Variants in FAM187A observed in about 807,000 individuals in gnomAD.
FAM187A encodes the protein Ig-like V-type domain-containing protein FAM187A.
A neutral mutation model predicts 6.4 loss-of-function variants in FAM187A; 4 were observed. The ratio of observed to expected loss-of-function variants is 0.63; its 90% CI spans 0.31 to 1.44. The LOEUF is 1.44. Ranked by LOEUF, FAM187A falls within the 40% of genes most tolerant of loss-of-function variation. The probability of loss-of-function intolerance (pLI) is 0.07; values close to 1 mark genes in which losing one functional copy is unlikely to be tolerated. For synonymous variants in FAM187A, 221 were observed against 213.4 expected, an observed-to-expected ratio of 1.04 and a Z score of -0.31; for missense variants, 463 against 542.2, an observed-to-expected ratio of 0.85 and a Z score of 1.45.
chr17:44,904,007 G>T (rs765331988), exon 4 of FAM187A: 7 of 1,550,638 alleles, frequency 4.5e-6, no homozygotes, highest in Non-Finnish European at 5.2e-6. Flanking sequence ...ACCCGAAGAG[G>T]TGCCAGCTGT....
Position 44,904,599 on chromosome 17 carries a change from TTAAC to T in FAM187A, c.773_776del (p.Asn258MetfsTer55), listed in dbSNP as rs2051622095. On this transcript the variant is annotated frameshift_variant, in exon 4 of 4. Transcript: ENST00000331733. LOFTEE classifies it high-confidence loss of function. ...ATCCGGGAGGGCGTGCTGGCCATCA[TTAAC>T]TATGTGTCCAAAGTGGGCAGCCGGC... 6.4e-7 allele frequency: 1 copy of T among 1,550,548 alleles called. No homozygotes were observed. Among genetic ancestry groups the T allele is most frequent in the Non-Finnish European group, 8.7e-7 (1 of 1,146,998 alleles).
exon 4 of FAM187A, chr17:44,903,658 G>T: frequency 7.0e-7 from 1 of 1,433,706 alleles, no homozygotes; most frequent in African/African-American, 1.4e-5. Context: ...CATCCACTGG[G>T]AATAAATTGC....
At chr17:44,903,492 C>T (rs965451591) in exon 4 of FAM187A, 9 of 1,274,602 alleles carry the variant, frequency 7.1e-6, no homozygotes, top group South Asian at 3.2e-5. Flanking sequence ...ATCTCCCTGC[C>T]CGAGCACCTC....
chr17:44,904,019 G>T (rs915413210), exon 4 of FAM187A: 3 of 1,550,644 alleles, frequency 1.9e-6, no homozygotes, highest in Non-Finnish European at 1.7e-6. Flanking sequence ...GCCAGCTGTA[G>T]TCTGGTTCTA....
At chr17:44,904,896 G>T (rs770650702) in exon 4 of FAM187A, 6 of 1,550,522 alleles carry the variant, frequency 3.9e-6, no homozygotes, top group Non-Finnish European at 5.2e-6. Context: ...GCTGGCTTCC[G>T]GCTGGGTGTG....
At chr17:44,903,582 G>C in exon 4 of FAM187A, 1 of 1,396,808 alleles carries the variant, frequency 7.2e-7, no homozygotes, top group Non-Finnish European at 9.2e-7. Context: ...GTAAAGGCCA[G>C]GTTCTAGAAT....
exon 4 of FAM187A, chr17:44,903,679 G>A (rs2051601188): frequency 7.0e-7 from 1 of 1,435,774 alleles, no homozygotes; most frequent in Admixed American, 2.9e-5. Flanking sequence ...CTTGCACTTG[G>A]CGGCTTCCTC....
At chr17:44,904,171 G>C in exon 4 of FAM187A, 1 of 1,550,420 alleles carries the variant, frequency 6.4e-7, no homozygotes, top group South Asian at 1.2e-5. Flanking sequence ...TGGTTTTCAG[G>C]GCTCAGTCTG....
chr17:44,904,978 A>C (rs2051631976), exon 4 of FAM187A: 1 of 1,550,764 alleles, frequency 6.4e-7, no homozygotes, highest in Non-Finnish European at 8.7e-7. Context: ...TCACCCTGAT[A>C]GGCTACCTGC....
At chr17:44,904,308 A>T in exon 4 of FAM187A, 1 of 1,546,792 alleles carries the variant, frequency 6.5e-7, no homozygotes, top group Non-Finnish European at 8.7e-7. Context: ...CCCTTTGCAG[A>T]TGAATACTAT....
Position 44,904,640 on chromosome 17 carries a change from C to T in FAM187A, c.811C>T (p.Gln271Ter). Reference sequence around the variant, plus strand: ...AGTGGGCAGCCGGCCCTGGGTGCCCCAGGTGCCCATTCAGTTCCACCAGCA... The same window carrying T: ...AGTGGGCAGCCGGCCCTGGGTGCCCTAGGTGCCCATTCAGTTCCACCAGCA... The change falls in exon 4 of 4, where the codon CAG (glutamine) becomes TAG (stop). Residue 271 changes from glutamine (Q) to a stop codon, truncating the protein, a stop_gained. Transcript: ENST00000331733. LOFTEE classifies it low-confidence loss of function (END_TRUNC). The T allele has an allele frequency of 1.3e-6, 2 of 1,550,564 alleles. No homozygotes were observed. The highest frequency in any genetic ancestry group is 1.7e-6 in the Non-Finnish European group (2 of 1,146,994).
chr17:44,903,552 C>T, exon 4 of FAM187A: 1 of 1,361,326 alleles, frequency 7.3e-7, no homozygotes, highest in South Asian at 2.0e-5. Flanking sequence ...TGGGTGAGCG[C>T]CAGTGTTCTA....
At chr17:44,904,938 C>T (rs1486830603) in exon 4 of FAM187A, 1 of 1,550,688 alleles carries the variant, frequency 6.4e-7, no homozygotes, top group Admixed American at 2.0e-5. Flanking sequence ...GCCTCGTTCT[C>T]AGATCCTGAG....
At chr17:44,903,733 A>C in exon 4 of FAM187A, 1 of 1,452,542 alleles carries the variant, frequency 6.9e-7, no homozygotes, top group Non-Finnish European at 9.0e-7. Flanking sequence ...TCCTTTCCTC[A>C]TCTAGAGGCT....
At position 44,904,192 on chromosome 17, in the gene FAM187A, C is replaced by T. The variant is rs957135444; in HGVS notation, c.363C>T (p.Gly121=). Residue 121 remains glycine (G), a synonymous_variant, in exon 4 of 4, where the codon GGC becomes GGT. Transcript: ENST00000331733. ...TCAGGGCTCAGTCTGAGGACTCAGG[C>T]CTGTACTTCTGCGGCACCCGCAAGG... is the stretch of plus-strand genomic sequence containing the variant. The T allele has an allele frequency of 5.2e-6, 8 of 1,550,436 alleles. No homozygotes were observed. In the African/African-American group the frequency reaches 9.6e-5, roughly 19 times the overall value.
At position 44,903,550 on chromosome 17, in the gene FAM187A, C is replaced by T. The variant is rs542384155; in HGVS notation, c.-280C>T. ...TTCCTTTGACCCATTCTTGGGTGAG[C>T]GCCAGTGTTCTAGAAAGGGGAGTAA... On this transcript the variant is annotated 5_prime_UTR_variant, in exon 4 of 4. Coordinates refer to ENST00000331733, the Ensembl canonical transcript of FAM187A. The T allele has an allele frequency of 2.4e-4, 332 of 1,359,636 alleles. 4 individuals are homozygous for T. In the South Asian group the frequency reaches 5.6e-3, roughly 23 times the overall value. The allele number at this position is 1,359,636 out of a possible 1,614,324, so 84.2% of individuals were successfully genotyped here. A position where few individuals can be genotyped will look rare whatever the true frequency, so the allele number is the denominator to read the frequency against.
At chr17:44,904,627 G>T in exon 4 of FAM187A, 1 of 1,550,540 alleles carries the variant, frequency 6.4e-7, no homozygotes, top group Non-Finnish European at 8.7e-7. Flanking sequence ...TGGGCAGCCG[G>T]CCCTGGGTGC....
At chr17:44,904,116 G>A in exon 4 of FAM187A, 1 of 1,550,594 alleles carries the variant, frequency 6.4e-7, no homozygotes, top group Middle Eastern at 1.7e-4. Flanking sequence ...GTACGTGTGG[G>A]CAGCGACATG....
exon 4 of FAM187A, chr17:44,905,346 A>C: frequency 2.2e-6 from 1 of 458,570 alleles, no homozygotes; most frequent in Non-Finnish European, 4.1e-6. Flanking sequence ...GAAAGTGTGA[A>C]CTCAGATTTA....
Sources: gnomAD v4.1 joint callset for allele counts on GRCh38, gnomAD v4.1.1 for gene constraint, MANE v1.5 for transcripts, NCBI Gene and HGNC (gene_info 2026-07-23, HGNC 2026-07-21) for gene names.